Variants in EPHB2 observed in about 807,000 individuals in gnomAD.
The protein encoded by EPHB2 is EPH receptor B2, also known as ephrin type-B receptor 2.
EPHB2 carries 18 observed loss-of-function variants against 96.4 expected under a neutral mutation model. The observed-to-expected ratio is 0.19, with a 90% CI of 0.13 to 0.28. The LOEUF is 0.28. Ranked by LOEUF, EPHB2 falls within the 10% of genes least tolerant of loss-of-function variation. The pLI, the probability that EPHB2 is intolerant of heterozygous loss-of-function variation, is 1.00. For missense variants in EPHB2, 989 were observed against 1,355.4 expected (o/e 0.73, Z 4.25); for synonymous variants, 506 against 534.1 (o/e 0.95, Z 0.72).
intron 1 of EPHB2, among the ~76,000 whole-genome samples, chr1:22,742,588 C>A (rs1332348170): frequency 6.6e-6 from 1 of 152,274 alleles, no homozygotes; most frequent in East Asian, 1.9e-4. Context: ...ACTGCTGCAG[C>A]CTTGACCTCC....
intron 2 of EPHB2, among the ~76,000 whole-genome samples, chr1:22,782,309 A>G (rs2148420892): frequency 6.6e-6 from 1 of 152,304 alleles, no homozygotes; most frequent in South Asian, 2.1e-4. Context: ...AGTCAAGAGT[A>G]GCTATAATCA....
intron 3 of EPHB2, among the ~76,000 whole-genome samples, chr1:22,821,488 A>G (rs1645151322): frequency 6.6e-6 from 1 of 152,214 alleles, no homozygotes; most frequent in Non-Finnish European, 1.5e-5. Context: ...AGGAACCTGA[A>G]GCCCAAAGAG....
intron 3 of EPHB2, among the ~76,000 whole-genome samples, chr1:22,838,792 G>A (rs12023962): frequency 6.6e-6 from 1 of 151,782 alleles, no homozygotes; most frequent in East Asian, 1.9e-4. Flanking sequence ...TTAGCCGGGC[G>A]TGGTGGCAGG....
chr1:22,888,165 C>G (rs1639286164), intron 6 of EPHB2, among the ~76,000 whole-genome samples: 1 of 152,146 alleles, frequency 6.6e-6, no homozygotes, highest in Non-Finnish European at 1.5e-5. Flanking sequence ...CCTCAGTCTC[C>G]CAAGTAGCTG....
At chr1:22,912,749 C>T (rs546347695) in intron 15 of EPHB2, 150 bp downstream of exon 15, 2 of 1,134,446 alleles carry the variant, frequency 1.8e-6, no homozygotes, top group East Asian at 2.5e-5. Flanking sequence ...TTTGGAGTCA[C>T]CTGTGGACTG....
chr1:22,865,006 G>T lies in EPHB2; in HGVS notation c.1097G>T (p.Gly366Val), dbSNP rs751420728. The T allele has an allele frequency of 2.5e-6, 4 of 1,611,158 alleles. No homozygotes were observed. The highest frequency in any genetic ancestry group is 1.7e-5 in the Admixed American group (1 of 59,966). Residue 366 changes from glycine (G) to valine (V), a missense_variant, in exon 5 of 16, where the codon GGC becomes GTC. Physicochemically the swap from Gly to Val is moderately radical, Grantham distance 109. Coordinates refer to ENST00000374630, the MANE Select transcript of EPHB2 (RefSeq NM_017449.5). Reference sequence around the variant, plus strand: ...TACAACATCATCTGCAAGAGCTGTGGCTCGGGCCGGGGTGCCTGCACCCGC... The same window carrying T: ...TACAACATCATCTGCAAGAGCTGTGTCTCGGGCCGGGGTGCCTGCACCCGC... The part of the protein sequence containing the change: ...LVYNIICKSC[G>V]SGRGACTRCG...
At chr1:22,838,370 G>C (rs1052240060) in intron 3 of EPHB2, among the ~76,000 whole-genome samples, 1 of 152,252 alleles carries the variant, frequency 6.6e-6, no homozygotes. Context: ...TCAGGGGAAG[G>C]GGCATAGGCC....
At chr1:22,861,022 G>A (rs1455492663) in intron 3 of EPHB2, among the ~76,000 whole-genome samples, 1 of 152,186 alleles carries the variant, frequency 6.6e-6, no homozygotes, top group Non-Finnish European at 1.5e-5. Context: ...TGAGAACAAT[G>A]TAGCTCAGAG....
At chr1:22,716,127 C>T (rs1193221401) in intron 1 of EPHB2, among the ~76,000 whole-genome samples, 1 of 152,224 alleles carries the variant, frequency 6.6e-6, no homozygotes, top group African/African-American at 2.4e-5. Flanking sequence ...CCATCCCTGC[C>T]TCTTTCTCCA....
Position 22,757,342 on chromosome 1 carries a change from AG to A in EPHB2, c.62-24078del, listed in dbSNP as rs1418976578. On this transcript the variant is annotated intron_variant, in intron 1 of 15. Transcript: ENST00000374630. ...AGGTTCCAGGGAGGTGGGTAGAGAC[AG>A]TCAGGGAGGGTTTCCCAAAGGTGGC... is the stretch of plus-strand genomic sequence containing the variant. Among the ~76,000 whole-genome samples, 7 of 152,272 alleles carry A rather than the reference AG, an allele frequency of 4.6e-5. 1 individual carries two copies. Among genetic ancestry groups the A allele is most frequent in the African/African-American group, 1.7e-4 (7 of 41,560 alleles).
chr1:22,780,552 C>T (rs935233119), intron 1 of EPHB2, among the ~76,000 whole-genome samples: 1 of 152,130 alleles, frequency 6.6e-6, no homozygotes, highest in Admixed American at 6.5e-5. Flanking sequence ...GATGTGTGCG[C>T]CAGAGGAGCA....
chr1:22,740,469 G>T (rs937398292), intron 1 of EPHB2, among the ~76,000 whole-genome samples: 3 of 152,150 alleles, frequency 2.0e-5, no homozygotes, highest in South Asian at 2.1e-4. Context: ...TGGCCCTGGG[G>T]TCCTGCGGTC....
At chr1:22,737,605 G>A (rs1051573207) in intron 1 of EPHB2, among the ~76,000 whole-genome samples, 6 of 152,012 alleles carry the variant, frequency 3.9e-5, no homozygotes, top group Non-Finnish European at 7.4e-5. Flanking sequence ...ATCCTTCTTT[G>A]TACTTACCCT....
In EPHB2 at chr1:22,790,602, C is replaced by G. The variant is rs966085385; in HGVS notation, c.811+5526C>G. 3.9e-5 allele frequency among the ~76,000 whole-genome samples: 6 copies of G among 152,226 alleles called. No individual in the cohort carries two copies. Among genetic ancestry groups the G allele is most frequent in the Non-Finnish European group, 5.9e-5 (4 of 68,046 alleles). Reference sequence around the variant, plus strand: ...AGATCCCTGTTCTCCTTGGTCTCTCCTTACCCACCTCAGTCCCACTTCTGC... The same window carrying G: ...AGATCCCTGTTCTCCTTGGTCTCTCGTTACCCACCTCAGTCCCACTTCTGC... On this transcript the variant is annotated intron_variant, in intron 3 of 15. Transcript: ENST00000374630. This position sits in a 1 kb window ranked among gnomAD's most constrained non-coding sequence, Gnocchi z 4.0.
At chr1:22,797,709 C>T (rs1363757121) in intron 3 of EPHB2, among the ~76,000 whole-genome samples, 5 of 152,172 alleles carry the variant, frequency 3.3e-5, no homozygotes, top group Non-Finnish European at 5.9e-5. Context: ...ATCTTTAAGA[C>T]TCCCCATCCT....
At chr1:22,741,553 T>C (rs1643902562) in intron 1 of EPHB2, among the ~76,000 whole-genome samples, 1 of 151,976 alleles carries the variant, frequency 6.6e-6, no homozygotes, top group South Asian at 2.1e-4. Context: ...GGCACTTAAA[T>C]ATGTGTCGAG....
chr1:22,788,883 T>C (rs1253932703), intron 3 of EPHB2, among the ~76,000 whole-genome samples: 1 of 151,778 alleles, frequency 6.6e-6, no homozygotes, highest in Non-Finnish European at 1.5e-5. Context: ...GCCTCCTGAG[T>C]AGCTGGGATT....
At chr1:22,768,392 A>G (rs978148064) in intron 1 of EPHB2, among the ~76,000 whole-genome samples, 1 of 152,134 alleles carries the variant, frequency 6.6e-6, no homozygotes. Flanking sequence ...CTGGTATTCA[A>G]GACTCTTTGT....
chr1:22,895,220 T>C (rs150897280), intron 7 of EPHB2, among the ~76,000 whole-genome samples: 63 of 152,328 alleles, frequency 4.1e-4, no homozygotes, highest in Non-Finnish European at 7.2e-4. Context: ...CACATCAACA[T>C]TGAGATGCAG....
Sources: allele counts gnomAD v4.1 joint callset (sites outside exome capture counted in the v4.1 genomes callset), GRCh38; gene constraint gnomAD v4.1.1; non-coding constraint Gnocchi (gnomAD v3.1); transcripts MANE v1.5; gene names NCBI Gene and HGNC (gene_info 2026-07-23, HGNC 2026-07-21).